Variants in BAZ2A observed in about 807,000 individuals in gnomAD.
BAZ2A encodes bromodomain adjacent to zinc finger domain protein 2A.
A neutral mutation model predicts 199.9 loss-of-function variants in BAZ2A; 34 were observed. The ratio of observed to expected loss-of-function variants is 0.17; its 90% CI spans 0.13 to 0.23. BAZ2A has a LOEUF of 0.23. BAZ2A is among the 10% of genes least tolerant of loss of function. The pLI is 1.00. For synonymous variants in BAZ2A, 857 were observed against 883.9 expected, an observed-to-expected ratio of 0.97 and a Z score of 0.54; for missense variants, 2,002 against 2,391.1, an observed-to-expected ratio of 0.84 and a Z score of 3.39.
At position 56,599,187 on chromosome 12, in the gene BAZ2A, G is replaced by A. The variant is rs1886150731; in HGVS notation, c.5344C>T (p.Pro1782Ser). 1 of 1,613,212 alleles carries A rather than the reference G, an allele frequency of 6.2e-7. No homozygotes were observed. The highest frequency in any genetic ancestry group is 8.5e-7 in the Non-Finnish European group (1 of 1,179,720). Residue 1782 changes from proline (P) to serine (S), a missense_variant, in exon 27 of 29, where the codon CCC becomes TCC. Pro to Ser is a moderately conservative substitution (Grantham distance 74, BLOSUM62 -1). Around this residue, in one of 6 missense-constraint regions of BAZ2A, gnomAD observed 122 missense variants for 123.0 expected, o/e 0.99. Coordinates refer to ENST00000549884, the MANE Select transcript of BAZ2A (RefSeq NM_001300905.2). ...GPRYSEEGLS[P>S]SKRRRLSMRN... ...ATAGAGAGTCGCCGCCGCTTGGAGGGGGAGAGCCCTTCTTCCGAGTACCGA... is the reference window on the plus strand; with the variant it reads ...ATAGAGAGTCGCCGCCGCTTGGAGGAGGAGAGCCCTTCTTCCGAGTACCGA...
chr12:56,599,015 T>C lies in BAZ2A; in HGVS notation c.5403-4A>G. ...CTCCATCTCCATCAGGATAATCCTA[T>C]CATTAGAGGGACAATGATGGCTCCA... On this transcript the variant is annotated splice_region_variant and splice_polypyrimidine_tract_variant and intron_variant, in intron 27 of 28. Transcript: ENST00000549884. 6.2e-7 allele frequency: 1 copy of C among 1,610,738 alleles called. No individual in the cohort carries two copies. The highest frequency in any genetic ancestry group is 8.5e-7 in the Non-Finnish European group (1 of 1,178,654).
upstream of BAZ2A, chr12:56,638,201 A>C: frequency 1.2e-6 from 1 of 823,116 alleles, no homozygotes; most frequent in South Asian, 1.7e-5. Flanking sequence ...TTTTATTGGA[A>C]ACCTTAAATA....
At chr12:56,599,905 C>T (rs1886264195) in intron 25 of BAZ2A, 57 bp from the exon 26 acceptor site, 1 of 1,613,118 alleles carries the variant, frequency 6.2e-7, no homozygotes, top group Admixed American at 1.7e-5. Flanking sequence ...CTGCCAGTGA[C>T]CCCACCCCGC....
chr12:56,600,360 G>C lies in BAZ2A; in HGVS notation c.4733C>G (p.Thr1578Ser), dbSNP rs1886326159. 1.9e-6 allele frequency: 3 copies of C among 1,613,980 alleles called. No individual in the cohort carries two copies. Among genetic ancestry groups the C allele is most frequent in the Non-Finnish European group, 2.5e-6 (3 of 1,179,882 alleles). Residue 1578 changes from threonine (T) to serine (S), a missense_variant, in exon 24 of 29, where the codon ACC becomes AGC. Coordinates refer to ENST00000549884, the MANE Select transcript of BAZ2A (RefSeq NM_001300905.2). Reference protein sequence around the residue: ...REGLAPQRKTTNPLDLAVMRL... With the variant: ...REGLAPQRKTSNPLDLAVMRL... The stretch of plus-strand genomic sequence containing the variant: ...CATCACAGCCAGGTCCAAAGGGTTG[G>C]TAGTTTTACGCTGAGGTGCCAGTCC...
At chr12:56,623,731 C>T (rs11171911) in intron 1 of BAZ2A, among the ~76,000 whole-genome samples, 61,469 of 151,810 alleles carry the variant, frequency 0.4, 15,239 homozygotes, top group South Asian at 0.61. Context: ...TGCTGCTAGG[C>T]GTCCTTCAAC....
rs878900035 is a variant in BAZ2A at position 56,606,856 on chromosome 12, CTTTTTT to C, written c.2093-129_2093-124del. 6.6e-6 allele frequency: 4 copies of C among 604,604 alleles called. No individual in the cohort carries two copies. The South Asian group carries it at 8.3e-5, about 12-fold the overall frequency. The allele number at this position is 604,604 out of a possible 1,614,324, so 37.5% of individuals were successfully genotyped here. Reference sequence around the variant, plus strand: ...CAGCTCCCTGAAGAATCTAGAGTAGCTTTTTTTTTTTTTAAGTATACATAATAAAAC... The same window carrying C: ...CAGCTCCCTGAAGAATCTAGAGTAGCTTTTTTTAAGTATACATAATAAAAC... On this transcript the variant is annotated intron_variant, in intron 10 of 28. Coordinates refer to ENST00000549884, the MANE Select transcript of BAZ2A (RefSeq NM_001300905.2).
At position 56,609,380 on chromosome 12, in the gene BAZ2A, G is replaced by A. The variant is rs551377396; in HGVS notation, c.2092+356C>T. Among the ~76,000 whole-genome samples the A allele has an allele frequency of 2.0e-5, 3 of 152,218 alleles. No individual in the cohort carries two copies. The East Asian group carries it at 5.8e-4, about 29-fold the overall frequency. On this transcript the variant is annotated intron_variant, in intron 10 of 28. Transcript: ENST00000549884. Reference sequence around the variant, plus strand: ...TCTTTTGAATTCAGATGTGAATTCTGAACCTCCATGATAGTAGAAATGGGT... The same window carrying A: ...TCTTTTGAATTCAGATGTGAATTCTAAACCTCCATGATAGTAGAAATGGGT...
At chr12:56,602,340 G>A (rs1886580345) in intron 19 of BAZ2A, 148 bp from the exon 20 acceptor site, 1 of 724,522 alleles carries the variant, frequency 1.4e-6, no homozygotes, top group Non-Finnish European at 2.2e-6. Context: ...ATATGCCAAT[G>A]AACACAGTAT....
At chr12:56,636,697 G>C (rs1951455064), upstream of BAZ2A, 1 of 155,614 alleles carries the variant, frequency 6.4e-6, no homozygotes, top group African/African-American at 2.4e-5. Flanking sequence ...GGGCTGACCT[G>C]TACCCTAGGG....
Position 56,595,627 on chromosome 12 carries a change from G to A in BAZ2A, c.*2991C>T, listed in dbSNP as rs746507371. The stretch of plus-strand genomic sequence containing the variant: ...GTCTTGGTGTCTTATCCGTGAGTGG[G>A]AAGTGGTAAGCTGGTGATGGTCCCA... On this transcript the variant is annotated 3_prime_UTR_variant, in exon 29 of 29. Transcript: ENST00000549884. 6.6e-6 allele frequency: 1 copy of A among 151,872 alleles called. No individual in the cohort carries two copies. The highest frequency in any genetic ancestry group is 2.1e-4 in the South Asian group (1 of 4,814). The allele number at this position is 151,872 out of a possible 1,614,324, so 9.4% of individuals were successfully genotyped here. A position where few individuals can be genotyped will look rare whatever the true frequency, so the allele number is the denominator to read the frequency against.
intron 1 of BAZ2A, among the ~76,000 whole-genome samples, chr12:56,621,420 G>A (rs1028766381): frequency 1.8e-4 from 27 of 151,964 alleles, no homozygotes; most frequent in African/African-American, 2.4e-5. Context: ...CTTCATTTAC[G>A]AGAAGCTTCC....
upstream of BAZ2A, among the ~76,000 whole-genome samples, chr12:56,634,219 A>G (rs1398206142): frequency 6.6e-6 from 1 of 151,658 alleles, no homozygotes; most frequent in Non-Finnish European, 1.5e-5. Flanking sequence ...CATCGCCCCA[A>G]CTCCCTTAGA....
intron 27 of BAZ2A, 25 bp from the exon 28 acceptor site, chr12:56,599,036 C>T: frequency 6.2e-7 from 1 of 1,608,204 alleles, no homozygotes; most frequent in Non-Finnish European, 8.5e-7. Context: ...ACAATGATGG[C>T]TCCATCTCAG....
chr12:56,611,777 A>G lies in BAZ2A; in HGVS notation c.1605T>C (p.Gly535=). Residue 535 remains glycine (G), a synonymous_variant, in exon 6 of 29, where the codon GGT becomes GGC. Transcript: ENST00000549884. ...EITGEGLTAS[G]SGDVMRRRIA... is the part of the protein sequence containing the mutation. ...GAATAGAATCTGGATACTCACCACTACCAGAAGCAGTGAGTCCTTCTCCAG... is the reference window on the plus strand; with the variant it reads ...GAATAGAATCTGGATACTCACCACTGCCAGAAGCAGTGAGTCCTTCTCCAG... The G allele has an allele frequency of 6.5e-7, 1 of 1,531,130 alleles. No individual in the cohort carries two copies. Among genetic ancestry groups the G allele is most frequent in the Non-Finnish European group, 8.8e-7 (1 of 1,140,866 alleles). The allele number at this position is 1,531,130 out of a possible 1,614,324, so 94.8% of individuals were successfully genotyped here.
upstream of BAZ2A, among the ~76,000 whole-genome samples, chr12:56,631,295 A>G (rs1951304415): frequency 1.3e-5 from 2 of 151,980 alleles, no homozygotes; most frequent in Admixed American, 1.3e-4. Flanking sequence ...TACTAAAAAT[A>G]CAAAAATTAG....
At chr12:56,614,962 C>T (rs764683426) in intron 3 of BAZ2A, 52 bp downstream of exon 3, 17 of 1,523,408 alleles carry the variant, frequency 1.1e-5, no homozygotes, top group Admixed American at 3.9e-5. Context: ...GCCACTATCC[C>T]CCCCGAGCTC....
rs779377918 is a variant in BAZ2A, at chr12:56,617,518, C to T, written c.13G>A (p.Asp5Asn). The T allele has an allele frequency of 1.1e-5, 18 of 1,606,076 alleles. No individual in the cohort carries two copies. The highest frequency in any genetic ancestry group is 9.0e-5 in the East Asian group (4 of 44,512). Residue 5 changes from aspartate to asparagine, a missense_variant, in exon 2 of 29, where the codon GAC becomes AAC. By Grantham distance (23) the Asp-to-Asn change is conservative. This residue lies in a region of BAZ2A where 641 missense variants were observed against 694.5 expected (regional missense o/e 0.92). Transcript: ENST00000549884. ...GGAAGGCCAGTAAAGTTAAAATGGT[C>T]GTTTGCCTCCATTTCTGCAGGAGGG... is the stretch of plus-strand genomic sequence containing the variant. Reference protein sequence around the residue: MEANDHFNFTGLPPA... With the variant: MEANNHFNFTGLPPA...
Position 56,630,324 on chromosome 12 carries a change from A to G in BAZ2A, c.-202T>C. On this transcript the variant is annotated 5_prime_UTR_variant, in exon 1 of 29. Transcript: ENST00000549884. ...GAGCCAACATGGCCGGCGGGGGAGG[A>G]GTGAGTCGGAGCCGGAGGGGGCGGA... is the stretch of plus-strand genomic sequence containing the variant. 1.0e-6 allele frequency: 1 copy of G among 979,976 alleles called. No homozygotes were observed. The highest frequency in any genetic ancestry group is 1.2e-6 in the Non-Finnish European group (1 of 825,084). The allele number at this position is 979,976 out of a possible 1,614,324, so 60.7% of individuals were successfully genotyped here.
intron 3 of BAZ2A, 56 bp downstream of exon 3, chr12:56,614,958 A>G: frequency 1.4e-6 from 2 of 1,454,604 alleles, no homozygotes; most frequent in African/African-American, 1.4e-5. Context: ...AAAAGCCACT[A>G]TCCCCCCCGA....
Sources: allele counts gnomAD v4.1 joint callset (sites outside exome capture counted in the v4.1 genomes callset), GRCh38; gene constraint gnomAD v4.1.1; regional missense constraint gnomAD v4.1.1; transcripts MANE v1.5; gene names NCBI Gene and HGNC (gene_info 2026-07-23, HGNC 2026-07-21).